Variants in HDAC4 observed in about 807,000 individuals in gnomAD.
HDAC4 encodes the protein histone deacetylase A.
A neutral mutation model predicts 135.1 loss-of-function variants in HDAC4; 16 were observed. That is an observed-to-expected ratio of 0.12 (90% CI 0.08 to 0.18). The LOEUF (loss-of-function observed/expected upper bound fraction) is 0.18, where lower values mean the gene tolerates loss of function less well. Among genes scored for constraint, HDAC4 ranks in the 10% least tolerant of loss-of-function variants. The probability of loss-of-function intolerance (pLI) is 1.00; values close to 1 mark genes in which losing one functional copy is unlikely to be tolerated. For missense variants in HDAC4, 1,143 were observed against 1,511.8 expected (o/e 0.76, Z 4.05); for synonymous variants, 685 against 653.4 (o/e 1.05, Z -0.74).
At chr2:239,081,285 G>A (rs1006343104) in intron 21 of HDAC4, 93 bp from the exon 22 acceptor site, 7 of 990,380 alleles carry the variant, frequency 7.1e-6, no homozygotes, top group Admixed American at 4.0e-5. Flanking sequence ...GGATGGGCTC[G>A]GCCTTGGTGG....
At chr2:239,129,014 C>T (rs1400980139) in intron 11 of HDAC4, among the ~76,000 whole-genome samples, 3 of 152,232 alleles carry the variant, frequency 2.0e-5, no homozygotes, top group African/African-American at 7.2e-5. Flanking sequence ...CACGGGGACA[C>T]AAGCCTACGC....
intron 2 of HDAC4, among the ~76,000 whole-genome samples, chr2:239,302,363 G>A (rs1300058386): frequency 1.3e-5 from 2 of 152,200 alleles, no homozygotes; most frequent in African/African-American, 2.4e-5. Context: ...ACTCAAATTC[G>A]AATATTGCAG....
At chr2:239,234,579 A>C (rs895379492) in intron 3 of HDAC4, among the ~76,000 whole-genome samples, 7 of 152,184 alleles carry the variant, frequency 4.6e-5, no homozygotes, top group South Asian at 2.1e-4. Context: ...AAAAGCTGAC[A>C]CATATCTTTC....
intron 3 of HDAC4, among the ~76,000 whole-genome samples, chr2:239,231,044 A>G (rs2047522752): frequency 6.6e-6 from 1 of 152,240 alleles, no homozygotes; most frequent in African/African-American, 2.4e-5. Context: ...CGCTGAAGCC[A>G]AACGTGAATT....
At chr2:239,211,663 C>T (rs1286646178) in intron 3 of HDAC4, among the ~76,000 whole-genome samples, 1 of 152,204 alleles carries the variant, frequency 6.6e-6, no homozygotes, top group African/African-American at 2.4e-5. Flanking sequence ...CCCAATGATT[C>T]AAAAGCTGAA....
intron 2 of HDAC4, among the ~76,000 whole-genome samples, chr2:239,269,933 G>C (rs903173166): frequency 6.6e-6 from 1 of 152,216 alleles, no homozygotes; most frequent in African/African-American, 2.4e-5. Flanking sequence ...ACATTATCAT[G>C]TGTCAGGGCT....
At chr2:239,270,077 C>T (rs556397713) in intron 2 of HDAC4, among the ~76,000 whole-genome samples, 1 of 152,322 alleles carries the variant, frequency 6.6e-6, no homozygotes, top group East Asian at 1.9e-4. Flanking sequence ...CCAGAGCCTA[C>T]TCTCTGGATG....
At chr2:239,183,202 A>G (rs372046980) in intron 4 of HDAC4, among the ~76,000 whole-genome samples, 7 of 152,276 alleles carry the variant, frequency 4.6e-5, no homozygotes, top group South Asian at 2.1e-4. Context: ...TTAAGCGTAC[A>G]CTGAACTCTG....
intron 1 of HDAC4, among the ~76,000 whole-genome samples, chr2:239,396,131 C>T (rs2126126468): frequency 6.6e-6 from 1 of 151,616 alleles, no homozygotes; most frequent in East Asian, 1.9e-4. Flanking sequence ...CACACGACGT[C>T]ATGCCTGATT....
chr2:239,359,336 A>G (rs924135850), intron 1 of HDAC4, among the ~76,000 whole-genome samples: 1 of 152,228 alleles, frequency 6.6e-6, no homozygotes, highest in Non-Finnish European at 1.5e-5. Context: ...TAACTCTATT[A>G]CCATGTGAGT....
chr2:239,206,278 A>G (rs1278453852), intron 3 of HDAC4, among the ~76,000 whole-genome samples: 1 of 152,214 alleles, frequency 6.6e-6, no homozygotes, highest in Non-Finnish European at 1.5e-5. Context: ...CAGTGAGCTG[A>G]GATTGCACCA....
rs1001068693 is a variant in HDAC4, at chr2:239,240,663, T to G, written c.23-3999A>C. Among the ~76,000 whole-genome samples the G allele has an allele frequency of 6.6e-6, 1 of 152,086 alleles. No individual in the cohort carries two copies. The highest frequency in any genetic ancestry group is 2.4e-5 in the African/African-American group (1 of 41,410). ...TCCTCAAACAGCATTTAATCAGCGCTGGGGCTGCAGACCAGATGCACACTG... is the reference window on the plus strand; with the variant it reads ...TCCTCAAACAGCATTTAATCAGCGCGGGGGCTGCAGACCAGATGCACACTG... On this transcript the variant is annotated intron_variant, in intron 2 of 26. Transcript: ENST00000543185. This position sits in a 1 kb window ranked among gnomAD's most constrained non-coding sequence, Gnocchi z 4.5.
At chr2:239,087,650 A>G in intron 18 of HDAC4, 36 bp from the exon 19 acceptor site, 1 of 1,603,510 alleles carries the variant, frequency 6.2e-7, no homozygotes, top group Non-Finnish European at 8.5e-7. Context: ...AGAGAGCAAC[A>G]AAAGACACAC....
chr2:239,180,748 T>G lies in HDAC4; in HGVS notation c.340-4185A>C, dbSNP rs967198220. 3.0e-4 allele frequency among the ~76,000 whole-genome samples: 45 copies of G among 152,292 alleles called. 2 individuals are homozygous for G. Among genetic ancestry groups the G allele is most frequent in the Admixed American group, 1.2e-3 (18 of 15,298 alleles). On this transcript the variant is annotated intron_variant, in intron 4 of 26. Transcript: ENST00000543185. Reference sequence around the variant, plus strand: ...AGTGCCCCATGTGGATGGAAGGGTGTGCTGGGCCGCTGCCCCCCATGGCCC... The same window carrying G: ...AGTGCCCCATGTGGATGGAAGGGTGGGCTGGGCCGCTGCCCCCCATGGCCC...
At chr2:239,287,733 C>T (rs1379081340) in intron 2 of HDAC4, among the ~76,000 whole-genome samples, 2 of 152,046 alleles carry the variant, frequency 1.3e-5, no homozygotes, top group Admixed American at 6.5e-5. Context: ...TGACTCAAAA[C>T]GATTAATACA....
rs756664294 is a variant in HDAC4 at position 239,141,326 on chromosome 2, T to C, written c.866-1530A>G. Reference sequence around the variant, plus strand: ...GAAGCCCTACACCAGCCGCTCCCCATGGCTCTTGGAGCTCAAAAGAGTGTG... The same window carrying C: ...GAAGCCCTACACCAGCCGCTCCCCACGGCTCTTGGAGCTCAAAAGAGTGTG... On this transcript the variant is annotated intron_variant, in intron 8 of 26. Coordinates refer to ENST00000543185, the MANE Select transcript of HDAC4 (RefSeq NM_001378414.1). This position sits in a 1 kb window ranked among gnomAD's most constrained non-coding sequence, Gnocchi z 4.9. 6.6e-6 allele frequency among the ~76,000 whole-genome samples: 1 copy of C among 152,156 alleles called. No individual in the cohort carries two copies.
intron 2 of HDAC4, among the ~76,000 whole-genome samples, chr2:239,333,676 C>T (rs1215404487): frequency 6.6e-6 from 1 of 152,034 alleles, no homozygotes; most frequent in Non-Finnish European, 1.5e-5. Context: ...AAGTCTAATA[C>T]ATTAAGTTGA....
chr2:239,230,990 T>C (rs1011792913), intron 3 of HDAC4, among the ~76,000 whole-genome samples: 2 of 152,232 alleles, frequency 1.3e-5, no homozygotes, highest in African/African-American at 4.8e-5. Context: ...TACAGCTCCT[T>C]TGACAGTGTG....
At chr2:239,079,778 G>A (rs1227422274) in intron 22 of HDAC4, among the ~76,000 whole-genome samples, 3 of 151,676 alleles carry the variant, frequency 2.0e-5, no homozygotes, top group East Asian at 1.9e-4. Context: ...ACACAAAGAC[G>A]TGCATGCAAA....
Sources: allele counts gnomAD v4.1 joint callset (sites outside exome capture counted in the v4.1 genomes callset), GRCh38; gene constraint gnomAD v4.1.1; non-coding constraint Gnocchi (gnomAD v3.1); transcripts MANE v1.5; gene names NCBI Gene and HGNC (gene_info 2026-07-23, HGNC 2026-07-21).